Variants in CSMD1 observed in about 807,000 individuals in gnomAD.
CSMD1 encodes the protein CUB and sushi domain-containing protein 1.
Under a neutral mutation model 417.5 loss-of-function variants are expected in CSMD1, and 213 were observed. That is an observed-to-expected ratio of 0.51 (90% CI 0.46 to 0.57). The LOEUF (loss-of-function observed/expected upper bound fraction) is 0.57, where lower values mean the gene tolerates loss of function less well. Among genes scored for constraint, CSMD1 ranks in the 20% least tolerant of loss-of-function variants. The probability of loss-of-function intolerance (pLI) is 0.00; values close to 1 mark genes in which losing one functional copy is unlikely to be tolerated. For missense variants in CSMD1, 6,923 were observed against 4,529.7 expected (o/e 1.53, Z -15.17); for synonymous variants, 2,862 against 1,736.8 (o/e 1.65, Z -16.11).
intron 3 of CSMD1, among the ~76,000 whole-genome samples, chr8:4,392,537 T>C (rs1323525504): frequency 1.3e-5 from 2 of 152,082 alleles, no homozygotes; most frequent in Non-Finnish European, 2.9e-5. Flanking sequence ...GGGAGTGTCA[T>C]TGGTCACTAG....
chr8:4,262,524 T>A (rs1476159078), intron 3 of CSMD1, among the ~76,000 whole-genome samples: 3 of 152,202 alleles, frequency 2.0e-5, no homozygotes, highest in Non-Finnish European at 2.9e-5. Flanking sequence ...AAGTTTGAAC[T>A]CAGCCTTTAT....
At chr8:3,704,013 G>T (rs551660397) in intron 7 of CSMD1, among the ~76,000 whole-genome samples, 1 of 152,164 alleles carries the variant, frequency 6.6e-6, no homozygotes, top group Non-Finnish European at 1.5e-5. Context: ...AGAGGTTTCA[G>T]TGAGCTGAGA....
chr8:4,218,734 A>T (rs778064929), intron 3 of CSMD1, among the ~76,000 whole-genome samples: 1 of 152,196 alleles, frequency 6.6e-6, no homozygotes, highest in African/African-American at 2.4e-5. Context: ...ACTGGTTTCA[A>T]TACAAACCTG....
chr8:3,753,924 C>T lies in CSMD1; in HGVS notation c.931+6G>A, dbSNP rs769829559. 5.0e-6 allele frequency: 8 copies of T among 1,584,552 alleles called. No individual in the cohort carries two copies. Among genetic ancestry groups the T allele is most frequent in the Admixed American group, 1.7e-5 (1 of 59,690 alleles). On this transcript the variant is annotated splice_donor_region_variant and intron_variant, in intron 6 of 69. Transcript: ENST00000635120. ...TTTTTTTTCTTATAAGATGGAGCAT[C>T]CTTACCTTGGAACTGAGCGTTAAAT...
intron 1 of CSMD1, among the ~76,000 whole-genome samples, chr8:4,839,771 A>G (rs1275735783): frequency 6.6e-6 from 1 of 152,206 alleles, no homozygotes; most frequent in Non-Finnish European, 1.5e-5. Context: ...CTTCCACAGA[A>G]AAGCATAAAC....
chr8:3,525,918 C>T (rs555971801), intron 10 of CSMD1, among the ~76,000 whole-genome samples: 1 of 152,160 alleles, frequency 6.6e-6, no homozygotes, highest in Non-Finnish European at 1.5e-5. Flanking sequence ...CTACCACACA[C>T]AAATCGTATT....
At chr8:4,837,709 G>T (rs1350305) in intron 1 of CSMD1, among the ~76,000 whole-genome samples, 6 of 152,080 alleles carry the variant, frequency 3.9e-5, no homozygotes, top group Admixed American at 3.9e-4. Flanking sequence ...ACAATACGGT[G>T]ACTATAGTCA....
intron 5 of CSMD1, among the ~76,000 whole-genome samples, chr8:3,843,493 G>A (rs777923910): frequency 6.6e-6 from 1 of 151,832 alleles, no homozygotes; most frequent in Non-Finnish European, 1.5e-5. Flanking sequence ...TTGTGTACAT[G>A]AAACATGAGA....
chr8:4,315,545 A>T (rs1380473627), intron 3 of CSMD1, among the ~76,000 whole-genome samples: 1 of 152,212 alleles, frequency 6.6e-6, no homozygotes, highest in Non-Finnish European at 1.5e-5. Flanking sequence ...ATTAACTAAA[A>T]ATCACACAGT....
chr8:4,962,995 T>A (rs191135613), intron 1 of CSMD1, among the ~76,000 whole-genome samples: 1 of 152,172 alleles, frequency 6.6e-6, no homozygotes, highest in East Asian at 1.9e-4. Context: ...TGACGCTATA[T>A]ACGTATTTTT....
At chr8:4,463,601 C>T (rs1799973643) in intron 2 of CSMD1, among the ~76,000 whole-genome samples, 1 of 152,078 alleles carries the variant, frequency 6.6e-6, no homozygotes, top group Non-Finnish European at 1.5e-5. Context: ...CGATTTATTC[C>T]ACAACCTGAC....
chr8:3,291,922 G>A (rs929253988), intron 25 of CSMD1, among the ~76,000 whole-genome samples: 2 of 151,816 alleles, frequency 1.3e-5, no homozygotes, highest in Non-Finnish European at 2.9e-5. Context: ...TGATGTTAGG[G>A]TGTCAATTTT....
chr8:3,424,397 G>T (rs912141057), intron 12 of CSMD1, among the ~76,000 whole-genome samples: 3 of 152,228 alleles, frequency 2.0e-5, no homozygotes, highest in Admixed American at 2.0e-4. Flanking sequence ...TGCATTCATT[G>T]AGAGTGTACC....
Position 3,359,271 on chromosome 8 carries a change from C to T in CSMD1, c.3185G>A (p.Gly1062Asp), listed in dbSNP as rs1808999238. 1.9e-6 allele frequency: 3 copies of T among 1,613,772 alleles called. No individual in the cohort carries two copies. The highest frequency in any genetic ancestry group is 2.7e-5 in the African/African-American group (2 of 74,896). Residue 1062 changes from glycine (G) to aspartate (D), a missense_variant, in exon 21 of 70, where the codon GGT becomes GAT. Physicochemically the swap from Gly to Asp is moderately conservative, Grantham distance 94. Transcript: ENST00000635120. ...GGAAAACGTCAGAGAGTCTCCCACA[C>T]CAAAGTGAAAACCAATTCTTCGGCT... ...AFSRRIGFHFGVGDSLTFSCF... is the reference protein window; with the variant it reads ...AFSRRIGFHFDVGDSLTFSCF...
intron 3 of CSMD1, among the ~76,000 whole-genome samples, chr8:4,381,633 C>T (rs992008192): frequency 1.3e-5 from 2 of 152,170 alleles, no homozygotes; most frequent in Non-Finnish European, 2.9e-5. Context: ...TCCCTCCACC[C>T]CTTGTAGGCA....
chr8:3,612,833 C>G (rs1192517276), intron 8 of CSMD1, among the ~76,000 whole-genome samples: 1 of 151,884 alleles, frequency 6.6e-6, no homozygotes, highest in African/African-American at 2.4e-5. Flanking sequence ...GAATAAAGGT[C>G]TTAAATCACT....
chr8:2,973,084 T>C (rs764515900), intron 57 of CSMD1, 33 bp downstream of exon 57: 2 of 1,598,792 alleles, frequency 1.3e-6, no homozygotes, highest in Non-Finnish European at 1.7e-6. Context: ...GTTTTAACTT[T>C]CAAGGTGGAC....
intron 2 of CSMD1, among the ~76,000 whole-genome samples, chr8:4,433,845 A>C (rs889331682): frequency 2.6e-5 from 4 of 152,198 alleles, no homozygotes; most frequent in Admixed American, 2.0e-4. Flanking sequence ...AAGGGAAAAA[A>C]GACTGGAATC....
intron 3 of CSMD1, among the ~76,000 whole-genome samples, chr8:4,388,102 C>G (rs910708328): frequency 6.6e-6 from 1 of 152,172 alleles, no homozygotes; most frequent in African/African-American, 2.4e-5. Context: ...ACTAAAGATA[C>G]AGCTGTCTCT....
Sources: gnomAD v4.1 joint callset for allele counts (sites outside exome capture counted in the v4.1 genomes callset) on GRCh38, gnomAD v4.1.1 for gene constraint, MANE v1.5 for transcripts, NCBI Gene and HGNC (gene_info 2026-07-23, HGNC 2026-07-21) for gene names.